QTMAN: variants seen among roughly 807,000 people sequenced by gnomAD.
QTMAN encodes the protein queuosine-tRNA mannosyltransferase.
chr2:143,983,474 T>C, the QTMAN span, among the ~76,000 whole-genome samples: 1 of 144,170 alleles, frequency 6.9e-6, no homozygotes, highest in African/African-American at 2.6e-5. Flanking sequence ...TGAGGTTTTT[T>C]TTTTTTTTTT....
chr2:144,133,256 A>T, the QTMAN span, among the ~76,000 whole-genome samples: 5 of 51,110 alleles, frequency 9.8e-5, no homozygotes, highest in East Asian at 9.8e-4. Context: ...AATATATATA[A>T]ATATATATAA....
chr2:144,330,271 C>T, the QTMAN span, among the ~76,000 whole-genome samples: 1 of 152,174 alleles, frequency 6.6e-6, no homozygotes, highest in East Asian at 1.9e-4. Flanking sequence ...GTATTCAGTA[C>T]GGTAACATGC....
At chr2:144,291,265 A>G in the QTMAN span, among the ~76,000 whole-genome samples, 4,213 of 152,308 alleles carry the variant, frequency 0.028, 92 homozygotes, top group Non-Finnish European at 0.042. Flanking sequence ...ATTTTGGGGT[A>G]CTAGGAGTTA....
chr2:144,222,684 T>C, the QTMAN span, among the ~76,000 whole-genome samples: 1 of 151,968 alleles, frequency 6.6e-6, no homozygotes, highest in African/African-American at 2.4e-5. Context: ...GGCAGGCACC[T>C]GTAGTCCCAG....
chr2:144,284,643 T>C, the QTMAN span, among the ~76,000 whole-genome samples: 7 of 152,252 alleles, frequency 4.6e-5, no homozygotes, highest in Admixed American at 3.9e-4. Context: ...CCACTAAATA[T>C]AAAACATTTA....
chr2:144,222,135 C>CT, the QTMAN span, among the ~76,000 whole-genome samples: 3 of 151,978 alleles, frequency 2.0e-5, no homozygotes, highest in African/African-American at 7.2e-5. Context: ...TCTCGGCTCA[C>CT]TGCAAACTCC....
the QTMAN span, among the ~76,000 whole-genome samples, chr2:144,306,343 C>T: frequency 1.3e-5 from 2 of 152,174 alleles, no homozygotes; most frequent in African/African-American, 2.4e-5. Context: ...TAACAAAATA[C>T]GATATAGACT....
At chr2:143,943,163 T>A in the QTMAN span, 43 of 151,784 alleles carry the variant, frequency 2.8e-4, no homozygotes, top group African/African-American at 9.0e-4. Flanking sequence ...TAATCACACA[T>A]GTCTGTATCT....
the QTMAN span, among the ~76,000 whole-genome samples, chr2:144,273,657 C>T: frequency 6.6e-6 from 1 of 152,048 alleles, no homozygotes; most frequent in South Asian, 2.1e-4. Flanking sequence ...AATAGTTGTG[C>T]CTCTAAGTAA....
chr2:144,255,099 T>C, the QTMAN span, among the ~76,000 whole-genome samples: 3 of 152,176 alleles, frequency 2.0e-5, no homozygotes, highest in African/African-American at 7.2e-5. Flanking sequence ...GAGTTAATGA[T>C]GGAATGAGCT....
the QTMAN span, among the ~76,000 whole-genome samples, chr2:144,195,493 A>G: frequency 6.6e-6 from 1 of 152,148 alleles, no homozygotes; most frequent in Non-Finnish European, 1.5e-5. Context: ...GTTCAAGTAG[A>G]TCACTACCAT....
At chr2:143,963,375 CTG>C in the QTMAN span, among the ~76,000 whole-genome samples, 1 of 151,932 alleles carries the variant, frequency 6.6e-6, no homozygotes, top group Admixed American at 6.6e-5. Context: ...AAAAAATACT[CTG>C]TTTTTGAGCT....
At chr2:143,956,314 T>C in the QTMAN span, among the ~76,000 whole-genome samples, 5 of 152,146 alleles carry the variant, frequency 3.3e-5, no homozygotes, top group African/African-American at 1.2e-4. Context: ...CTAAAGGGTA[T>C]AGAGTAAGTC....
the QTMAN span, among the ~76,000 whole-genome samples, chr2:144,138,875 C>T: frequency 1.2e-4 from 18 of 152,074 alleles, no homozygotes; most frequent in Non-Finnish European, 2.4e-4. Context: ...TCTTATGAAT[C>T]ACACATTTAG....
chr2:144,066,850 T>C, the QTMAN span, among the ~76,000 whole-genome samples: 20 of 152,336 alleles, frequency 1.3e-4, 1 homozygote, highest in South Asian at 3.9e-3. Flanking sequence ...GTCTAAAAAG[T>C]ACTTTAAACT....
the QTMAN span, among the ~76,000 whole-genome samples, chr2:143,998,540 T>TG: frequency 6.6e-6 from 1 of 152,036 alleles, no homozygotes; most frequent in South Asian, 2.1e-4. Flanking sequence ...AAAACCTTCC[T>TG]GGGTAATCTA....
the QTMAN span, chr2:144,208,628 T>C: frequency 6.2e-7 from 1 of 1,613,742 alleles, no homozygotes; most frequent in Non-Finnish European, 8.5e-7. Context: ...ATGGGAATGG[T>C]CTGAGAGAAA....
the QTMAN span, among the ~76,000 whole-genome samples, chr2:144,084,388 T>C: frequency 6.6e-6 from 1 of 152,244 alleles, no homozygotes; most frequent in Non-Finnish European, 1.5e-5. Context: ...GCTCTTCCAA[T>C]ACAGAATTAT....
chr2:144,104,304 C>T, the QTMAN span, among the ~76,000 whole-genome samples: 7 of 152,128 alleles, frequency 4.6e-5, no homozygotes, highest in East Asian at 1.9e-4. Flanking sequence ...CGAAGCAGGG[C>T]GAGGCATCCC....
Sources: allele counts gnomAD v4.1 joint callset (sites outside exome capture counted in the v4.1 genomes callset), GRCh38; gene constraint gnomAD v4.1.1; transcripts MANE v1.5; gene names NCBI Gene and HGNC (gene_info 2026-07-23, HGNC 2026-07-21).